Variants in ZNF248 observed in about 807,000 individuals in gnomAD.
ZNF248 encodes the protein zinc finger protein 248, also known as KRAB protein domain.
Under a neutral mutation model 44.3 loss-of-function variants are expected in ZNF248, and 20 were observed. The ratio of observed to expected loss-of-function variants is 0.45; its 90% CI spans 0.32 to 0.66. The LOEUF is 0.66. Ranked by LOEUF, ZNF248 falls within the 30% of genes least tolerant of loss-of-function variation. The pLI, the probability that ZNF248 is intolerant of heterozygous loss-of-function variation, is 0.04. For missense variants in ZNF248, 654 were observed against 677.0 expected (o/e 0.97, Z 0.38); for synonymous variants, 224 against 229.0 (o/e 0.98, Z 0.20).
chr10:37,767,705 A>T, the ZNF248 span, among the ~76,000 whole-genome samples: 9,118 of 152,330 alleles, frequency 0.06, 353 homozygotes, highest in Middle Eastern at 0.095. Context: ...GGCTAGGAAG[A>T]AACTGCATCA....
chr10:37,766,969 T>G, the ZNF248 span, among the ~76,000 whole-genome samples: 34 of 152,040 alleles, frequency 2.2e-4, no homozygotes, highest in Non-Finnish European at 4.3e-4. Flanking sequence ...GAGAACTACG[T>G]GAAGAATGCA....
intron 6 of ZNF248, among the ~76,000 whole-genome samples, chr10:37,812,820 T>G (rs769082861): frequency 1.3e-5 from 2 of 151,872 alleles, no homozygotes; most frequent in Admixed American, 6.6e-5. Context: ...AGAACCCTGA[T>G]AGAACACCAT....
intron 6 of ZNF248, among the ~76,000 whole-genome samples, chr10:37,817,950 C>CT (rs2052791853): frequency 6.6e-6 from 1 of 152,106 alleles, no homozygotes; most frequent in Admixed American, 6.5e-5. Flanking sequence ...GAGTGTCACT[C>CT]TGTCGCCCAG....
At chr10:37,763,764 G>T in the ZNF248 span, among the ~76,000 whole-genome samples, 1 of 152,202 alleles carries the variant, frequency 6.6e-6, no homozygotes, top group Non-Finnish European at 1.5e-5. Flanking sequence ...AAATTGTGAA[G>T]ATTCCCCAAA....
intron 6 of ZNF248, among the ~76,000 whole-genome samples, chr10:37,789,679 A>G (rs922199857): frequency 7.2e-5 from 11 of 152,356 alleles, no homozygotes; most frequent in African/African-American, 2.6e-4. Context: ...TTATTGTAAA[A>G]AAGTTTCTTC....
rs868834867 is a variant in ZNF248 at position 37,850,624 on chromosome 10, C to T, written c.15+5672G>A. 6.6e-5 allele frequency among the ~76,000 whole-genome samples: 10 copies of T among 152,058 alleles called. No individual in the cohort carries two copies. The South Asian group carries it at 1.9e-3, about 28-fold the overall frequency. Reference sequence around the variant, plus strand: ...TACACCAATGGAACATAGAAGATAACCCAGAAATAGGCCTACACAAATATA... The same window carrying T: ...TACACCAATGGAACATAGAAGATAATCCAGAAATAGGCCTACACAAATATA... On this transcript the variant is annotated intron_variant, in intron 3 of 5. Transcript: ENST00000395867.
the ZNF248 span, among the ~76,000 whole-genome samples, chr10:37,770,462 A>G: frequency 1.3e-5 from 2 of 152,228 alleles, no homozygotes; most frequent in Non-Finnish European, 2.9e-5. Flanking sequence ...CTCAGAAATA[A>G]TGCTGCATAT....
At chr10:37,827,468 C>G (rs2054558941), downstream of ZNF248, among the ~76,000 whole-genome samples, 1 of 152,176 alleles carries the variant, frequency 6.6e-6, no homozygotes, top group African/African-American at 2.4e-5. Context: ...ACCAAAGTAT[C>G]TGAGACCTTT....
Position 37,819,933 on chromosome 10 carries a change from G to A in ZNF248, c.330+13092C>T, listed in dbSNP as rs953317814. 1.0e-5 allele frequency: 8 copies of A among 771,106 alleles called. No homozygotes were observed. In the African/African-American group the frequency reaches 1.4e-4, roughly 13 times the overall value. The allele number at this position is 771,106 out of a possible 1,614,324, so 47.8% of individuals were successfully genotyped here. ...CATCTGCCCATTGTTCAGTAAACGA[G>A]GCCCCATGTCGGACAGTAGTAAAGC... On this transcript the variant is annotated intron_variant, in intron 6 of 6. Coordinates refer to the ZNF248 transcript ENST00000615949.
intron 5 of ZNF248, among the ~76,000 whole-genome samples, chr10:37,837,365 A>G (rs2057436202): frequency 6.6e-6 from 1 of 152,148 alleles, no homozygotes; most frequent in African/African-American, 2.4e-5. Flanking sequence ...CGCCTGCCTC[A>G]GCCTCCCAAA....
At position 37,832,435 on chromosome 10, in the gene ZNF248, C is replaced by T. The variant is rs760687983; in HGVS notation, c.920G>A (p.Cys307Tyr). The T allele has an allele frequency of 1.2e-5, 20 of 1,613,878 alleles. No homozygotes were observed. Among genetic ancestry groups the T allele is most frequent in the Middle Eastern group, 3.3e-4 (2 of 6,084 alleles). ...ATGGATAATGAAAGCTGAATTGTCA[C>T]AGAAGATTTCCCCATATTCATTATA... ...YEYNEYGEIF[C>Y]DNSAFIIHQG... Residue 307 changes from cysteine (C) to tyrosine (Y), a missense_variant, in exon 6 of 6, where the codon TGT (cysteine) becomes TAT (tyrosine). By Grantham distance (194) the Cys-to-Tyr change is radical. Coordinates refer to ENST00000395867, the MANE Select transcript of ZNF248 (RefSeq NM_021045.3).
the ZNF248 span, among the ~76,000 whole-genome samples, chr10:37,770,841 C>T: frequency 2.0e-5 from 3 of 151,236 alleles, no homozygotes; most frequent in South Asian, 2.1e-4. Context: ...AGGCAACCTA[C>T]AAAATGGGAG....
At chr10:37,769,485 C>T in the ZNF248 span, among the ~76,000 whole-genome samples, 76 of 152,222 alleles carry the variant, frequency 5.0e-4, no homozygotes, top group South Asian at 2.1e-4. Context: ...CATCAATAAA[C>T]GTAATCCAGC....
chr10:37,777,107 C>A (rs1220783392), intron 6 of ZNF248, among the ~76,000 whole-genome samples: 3 of 152,124 alleles, frequency 2.0e-5, no homozygotes, highest in Non-Finnish European at 4.4e-5. Flanking sequence ...ACAAAATGGG[C>A]TTACTCTGAT....
At chr10:37,841,348 G>A (rs2058309450) in intron 3 of ZNF248, among the ~76,000 whole-genome samples, 1 of 151,240 alleles carries the variant, frequency 6.6e-6, no homozygotes, top group Admixed American at 6.6e-5. Flanking sequence ...TTATTTTAAA[G>A]TTATGTTCTA....
At chr10:37,813,224 T>A (rs2051845222) in intron 6 of ZNF248, among the ~76,000 whole-genome samples, 1 of 152,188 alleles carries the variant, frequency 6.6e-6, no homozygotes. Flanking sequence ...CAAACTGCCA[T>A]TAGACAGTCT....
intron 3 of ZNF248, among the ~76,000 whole-genome samples, chr10:37,852,721 G>A (rs2060514507): frequency 6.7e-6 from 1 of 148,806 alleles, no homozygotes; most frequent in East Asian, 1.9e-4. Context: ...TGTAATATAT[G>A]TATTTATATA....
chr10:37,805,873 A>G (rs1467675327), intron 6 of ZNF248, among the ~76,000 whole-genome samples: 1 of 152,214 alleles, frequency 6.6e-6, no homozygotes, highest in Non-Finnish European at 1.5e-5. Context: ...GTGTATACAT[A>G]CATATGGTAC....
At chr10:37,834,530 T>G (rs1198302127) in intron 5 of ZNF248, among the ~76,000 whole-genome samples, 1 of 152,112 alleles carries the variant, frequency 6.6e-6, no homozygotes, top group Non-Finnish European at 1.5e-5. Flanking sequence ...AACAAAGTAA[T>G]TATCAAAATA....
Sources: allele counts gnomAD v4.1 joint callset (sites outside exome capture counted in the v4.1 genomes callset), GRCh38; gene constraint gnomAD v4.1.1; transcripts MANE v1.5; gene names NCBI Gene and HGNC (gene_info 2026-07-23, HGNC 2026-07-21).